ZFP1: variants seen among roughly 807,000 people sequenced by gnomAD.
The protein encoded by ZFP1 is zinc finger protein 1 homolog.
ZFP1 carries 32 observed loss-of-function variants against 38.5 expected under a neutral mutation model. The ratio of observed to expected loss-of-function variants is 0.83; its 90% confidence interval spans 0.63 to 1.12. The LOEUF (loss-of-function observed/expected upper bound fraction) is 1.12. Ranked by LOEUF, ZFP1 falls within the 50% of genes most tolerant of loss-of-function variation. The pLI, the probability that ZFP1 is intolerant of heterozygous loss-of-function variation, is 0.00. For missense variants in ZFP1, 616 were observed against 480.8 expected (o/e 1.28, Z -2.63); for synonymous variants, 245 against 168.8 (o/e 1.45, Z -3.50).
At chr16:75,130,292 T>C in the ZFP1 span, among the ~76,000 whole-genome samples, 1 of 152,278 alleles carries the variant, frequency 6.6e-6, no homozygotes, top group African/African-American at 2.4e-5. Context: ...TGAGCCACCA[T>C]GTCCAGCCTG....
At chr16:75,144,469 G>A (rs962147411), upstream of ZFP1, among the ~76,000 whole-genome samples, 1 of 152,018 alleles carries the variant, frequency 6.6e-6, no homozygotes, top group African/African-American at 2.4e-5. Context: ...TCCTTCCCAA[G>A]GTTTTGCAAA....
intron 2 of ZFP1, among the ~76,000 whole-genome samples, chr16:75,162,125 G>A (rs1188648692): frequency 6.6e-6 from 1 of 151,726 alleles, no homozygotes; most frequent in Non-Finnish European, 1.5e-5. Flanking sequence ...AGTAACTTCA[G>A]TATGGTGCAG....
At chr16:75,163,159 G>A (rs902207496) in intron 2 of ZFP1, among the ~76,000 whole-genome samples, 21 of 151,968 alleles carry the variant, frequency 1.4e-4, no homozygotes, top group African/African-American at 4.6e-4. Context: ...CACCTGCCTC[G>A]GCCTCCCAAA....
intron 3 of ZFP1, 120 bp downstream of exon 3, chr16:75,167,016 A>AT: frequency 6.7e-7 from 1 of 1,481,492 alleles, no homozygotes; most frequent in Non-Finnish European, 9.0e-7. Context: ...TCAGGTATTA[A>AT]ACCTGAGAGA....
chr16:75,127,550 G>A, the ZFP1 span, among the ~76,000 whole-genome samples: 10 of 152,076 alleles, frequency 6.6e-5, no homozygotes, highest in Admixed American at 6.6e-4. Context: ...TGAACTCCTG[G>A]CCTCAAGAGA....
chr16:75,150,284 C>G (rs894426605), intron 1 of ZFP1, among the ~76,000 whole-genome samples: 2 of 149,186 alleles, frequency 1.3e-5, no homozygotes, highest in African/African-American at 5.0e-5. Flanking sequence ...TCTCGGCTCA[C>G]TGCAAGCTCC....
intron 2 of ZFP1, among the ~76,000 whole-genome samples, chr16:75,157,432 C>T (rs958747683): frequency 4.0e-5 from 6 of 151,714 alleles, no homozygotes; most frequent in Non-Finnish European, 7.4e-5. Context: ...TTAGTAGAGA[C>T]GGGATTTCAC....
At chr16:75,145,050 G>C (rs1371387906), upstream of ZFP1, among the ~76,000 whole-genome samples, 2 of 152,206 alleles carry the variant, frequency 1.3e-5, no homozygotes, top group African/African-American at 4.8e-5. Flanking sequence ...GCGTGTACCA[G>C]AACGTCATTC....
Position 75,170,174 on chromosome 16 carries a change from CT to C in ZFP1, c.1065del (p.Glu356SerfsTer86), listed in dbSNP as rs1196714237. ...THTGEKPYEC[T>X]ECGKTFSQRS... is the part of the protein sequence containing the mutation. ...ACAGGAGAGAAACCCTATGAATGTA[CT>C]GAGTGCGGCAAAACTTTCAGCCAGA... On this transcript the variant is annotated frameshift_variant, in exon 4 of 4. Transcript: ENST00000570010. LOFTEE classifies it high-confidence loss of function. 3 of 1,614,040 alleles carry C rather than the reference CT, an allele frequency of 1.9e-6. No homozygotes were observed. Among genetic ancestry groups the C allele is most frequent in the Non-Finnish European group, 1.7e-6 (2 of 1,180,036 alleles).
In ZFP1 at chr16:75,169,896, T is replaced by A. The variant is rs1245948134; in HGVS notation, c.786T>A (p.His262Gln). 4 of 1,614,118 alleles carry A rather than the reference T, an allele frequency of 2.5e-6. No individual in the cohort carries two copies. The South Asian group carries it at 4.4e-5, about 18-fold the overall frequency. Reference sequence around the variant, plus strand: ...ACCTCATTGTACACCAGAGAGCACATATGGAGAAGAAGCCCTATGAGTGCA... The same window carrying A: ...ACCTCATTGTACACCAGAGAGCACAAATGGAGAAGAAGCCCTATGAGTGCA... ...QSNLIVHQRAHMEKKPYECSE... is the reference protein window; with the variant it reads ...QSNLIVHQRAQMEKKPYECSE... The change falls in exon 4 of 4, where the codon CAT (histidine) becomes CAA (glutamine). Residue 262 changes from histidine (H) to glutamine (Q), a missense_variant. His to Gln is a conservative substitution (Grantham distance 24). Coordinates refer to ENST00000570010, the MANE Select transcript of ZFP1 (RefSeq NM_153688.4).
At chr16:75,167,163 G>A (rs1040469757) in intron 3 of ZFP1, among the ~76,000 whole-genome samples, 3 of 152,202 alleles carry the variant, frequency 2.0e-5, no homozygotes, top group Non-Finnish European at 4.4e-5. Context: ...GAAGAGTTTT[G>A]GGTAGCATAG....
At chr16:75,164,661 G>A (rs1048323667) in intron 2 of ZFP1, among the ~76,000 whole-genome samples, 2 of 152,124 alleles carry the variant, frequency 1.3e-5, no homozygotes, top group South Asian at 2.1e-4. Context: ...TCGTTGTCCA[G>A]ATGGGCTGCT....
intron 2 of ZFP1, among the ~76,000 whole-genome samples, chr16:75,166,294 G>A (rs1414715225): frequency 6.6e-6 from 1 of 152,166 alleles, no homozygotes; most frequent in Non-Finnish European, 1.5e-5. Flanking sequence ...GTATAGTGGT[G>A]CAGTCTTGGC....
chr16:75,123,473 A>G, the ZFP1 span, among the ~76,000 whole-genome samples: 23,051 of 114,934 alleles, frequency 0.2, 4,317 homozygotes, highest in East Asian at 0.58. Context: ...ATATATATAT[A>G]TATATATATA....
chr16:75,130,718 G>A, the ZFP1 span, among the ~76,000 whole-genome samples: 25 of 152,210 alleles, frequency 1.6e-4, no homozygotes, highest in East Asian at 4.8e-3. Context: ...TTTCCTGTTG[G>A]GTGGAGGGGG....
chr16:75,155,486 A>G (rs528629227), intron 2 of ZFP1, among the ~76,000 whole-genome samples: 5 of 152,350 alleles, frequency 3.3e-5, no homozygotes, highest in East Asian at 1.9e-4. Flanking sequence ...AAGTATTTCC[A>G]TATCAGAGCA....
intron 1 of ZFP1, chr16:75,149,356 T>A (rs1321096839): frequency 6.6e-6 from 1 of 152,190 alleles, no homozygotes; most frequent in African/African-American, 2.4e-5. Context: ...TAAATTTCTC[T>A]CGGGTGGAAT....
chr16:75,139,601 A>T, the ZFP1 span, among the ~76,000 whole-genome samples: 1 of 152,026 alleles, frequency 6.6e-6, no homozygotes, highest in Non-Finnish European at 1.5e-5. Context: ...CTGAGGTGGG[A>T]GGATTGCTTG....
intron 2 of ZFP1, among the ~76,000 whole-genome samples, chr16:75,159,983 C>G (rs568964417): frequency 1.3e-5 from 2 of 152,154 alleles, no homozygotes; most frequent in African/African-American, 4.8e-5. Flanking sequence ...TGGATTCAGA[C>G]TGTCCCAGCT....
Sources: allele counts gnomAD v4.1 joint callset (sites outside exome capture counted in the v4.1 genomes callset), GRCh38; gene constraint gnomAD v4.1.1; transcripts MANE v1.5; gene names NCBI Gene and HGNC (gene_info 2026-07-23, HGNC 2026-07-21).